ANGPT1: variants seen among roughly 807,000 people sequenced by gnomAD.
ANGPT1 encodes the protein angiopoietin 1, also known as angiopoietin-1.
In ANGPT1, 17 loss-of-function variants were observed where a neutral mutation model predicts 62.2. The ratio of observed to expected loss-of-function variants is 0.27; its 90% CI spans 0.19 to 0.41. ANGPT1 has a LOEUF of 0.41. Among genes scored for constraint, ANGPT1 ranks in the 10% least tolerant of loss-of-function variants. The probability of loss-of-function intolerance (pLI) is 1.00; values close to 1 mark genes in which losing one functional copy is unlikely to be tolerated. For synonymous variants in ANGPT1, 199 were observed against 198.9 expected (o/e 1.00, Z 0.00); for missense variants, 478 against 594.9 (o/e 0.80, Z 2.04).
At chr8:107,411,943 C>T (rs1672166) in intron 1 of ANGPT1, among the ~76,000 whole-genome samples, 126,274 of 152,164 alleles carry the variant, frequency 0.83, 52,520 homozygotes, top group African/African-American at 0.87. Flanking sequence ...CTTTCTCCTT[C>T]ATGTTAGATC....
intron 1 of ANGPT1, among the ~76,000 whole-genome samples, chr8:107,442,946 C>T (rs1252978675): frequency 6.6e-6 from 1 of 152,174 alleles, no homozygotes; most frequent in Admixed American, 6.5e-5. Flanking sequence ...CTCCTAATAG[C>T]AGAGACAAGA....
intron 1 of ANGPT1, among the ~76,000 whole-genome samples, chr8:107,450,698 G>A (rs1282320441): frequency 1.0e-5 from 1 of 96,650 alleles, no homozygotes; most frequent in East Asian, 3.1e-4. Context: ...ACATTCAAAT[G>A]GGAATAGGTG....
intron 2 of ANGPT1, among the ~76,000 whole-genome samples, chr8:107,337,559 G>A (rs1352721333): frequency 1.3e-5 from 2 of 152,132 alleles, no homozygotes; most frequent in Non-Finnish European, 2.9e-5. Flanking sequence ...TACTCCTTAA[G>A]GGAGGTATAA....
intron 1 of ANGPT1, among the ~76,000 whole-genome samples, chr8:107,409,976 TCCA>T (rs1817232231): frequency 6.7e-6 from 1 of 150,078 alleles, no homozygotes; most frequent in South Asian, 2.1e-4. Context: ...CATCCATCCA[TCCA>T]TCCATCCAAC....
intron 1 of ANGPT1, among the ~76,000 whole-genome samples, chr8:107,367,434 G>A (rs1816298403): frequency 6.6e-6 from 1 of 152,080 alleles, no homozygotes; most frequent in Non-Finnish European, 1.5e-5. Context: ...GATCAGGGTG[G>A]GGTGATGATT....
intron 1 of ANGPT1, among the ~76,000 whole-genome samples, chr8:107,449,913 C>T (rs142264354): frequency 1.3e-3 from 197 of 152,194 alleles, no homozygotes; most frequent in Middle Eastern, 6.8e-3. Flanking sequence ...GACTTGCCTT[C>T]TCTCAATTTG....
intron 1 of ANGPT1, among the ~76,000 whole-genome samples, chr8:107,451,919 T>A (rs1811788246): frequency 6.6e-6 from 1 of 151,982 alleles, no homozygotes; most frequent in Non-Finnish European, 1.5e-5. Context: ...ATTAATGTGT[T>A]TTTCACCATG....
intron 1 of ANGPT1, among the ~76,000 whole-genome samples, chr8:107,495,521 A>G (rs929185288): frequency 6.6e-6 from 1 of 152,220 alleles, no homozygotes; most frequent in Non-Finnish European, 1.5e-5. Flanking sequence ...ATGCATTACT[A>G]TGTTTGAATC....
chr8:107,448,430 G>A (rs1811674191), intron 1 of ANGPT1, among the ~76,000 whole-genome samples: 1 of 151,944 alleles, frequency 6.6e-6, no homozygotes, highest in Non-Finnish European at 1.5e-5. Flanking sequence ...TTTCTTCCTT[G>A]AAATACAGAA....
intron 1 of ANGPT1, among the ~76,000 whole-genome samples, chr8:107,453,372 G>C (rs1157786070): frequency 6.6e-6 from 1 of 152,050 alleles, no homozygotes; most frequent in East Asian, 1.9e-4. Flanking sequence ...AGGTTCAATG[G>C]ACTTACAGTT....
chr8:107,352,503 A>G (rs1465160017), intron 1 of ANGPT1, among the ~76,000 whole-genome samples: 1 of 152,148 alleles, frequency 6.6e-6, no homozygotes, highest in Non-Finnish European at 1.5e-5. Flanking sequence ...AGCTTTTACT[A>G]GACTCTCAAA....
At chr8:107,352,611 A>C (rs1303693326) in intron 1 of ANGPT1, among the ~76,000 whole-genome samples, 1 of 152,152 alleles carries the variant, frequency 6.6e-6, no homozygotes. Flanking sequence ...ACTTGAAGAA[A>C]CCACTTCAAG....
intron 3 of ANGPT1, among the ~76,000 whole-genome samples, chr8:107,328,955 C>A (rs1815354717): frequency 2.0e-5 from 3 of 151,866 alleles, no homozygotes; most frequent in South Asian, 4.2e-4. Context: ...TATAGTGCAT[C>A]TATAAAAATA....
chr8:107,342,993 G>A (rs1312543185), intron 2 of ANGPT1, among the ~76,000 whole-genome samples: 1 of 129,014 alleles, frequency 7.8e-6, no homozygotes, highest in Non-Finnish European at 1.6e-5. Context: ...GCATTACCAT[G>A]CCTGGCTTTT....
chr8:107,468,582 G>C (rs201570435), intron 1 of ANGPT1, among the ~76,000 whole-genome samples: 1 of 151,826 alleles, frequency 6.6e-6, no homozygotes, highest in Admixed American at 6.6e-5. Context: ...TTAACCACAA[G>C]GTTATAGAGT....
rs73702066 is a variant in ANGPT1 at position 107,416,473 on chromosome 8, C to T, written c.298-69376G>A. Reference sequence around the variant, plus strand: ...CTGGGGTGTTGGGATGCCCCACTGTCCAGGCACATATATAAGTTCTTGTTC... The same window carrying T: ...CTGGGGTGTTGGGATGCCCCACTGTTCAGGCACATATATAAGTTCTTGTTC... On this transcript the variant is annotated intron_variant, in intron 1 of 8. Transcript: ENST00000517746. 6.2e-3 allele frequency among the ~76,000 whole-genome samples: 946 copies of T among 152,296 alleles called. 10 individuals carry two copies. The highest frequency in any genetic ancestry group is 0.022 in the African/African-American group (897 of 41,558).
At chr8:107,460,005 T>G (rs1311242378) in intron 1 of ANGPT1, among the ~76,000 whole-genome samples, 1 of 152,198 alleles carries the variant, frequency 6.6e-6, no homozygotes, top group Non-Finnish European at 1.5e-5. Context: ...TTGACCTGCC[T>G]ATGAAAACAC....
intron 1 of ANGPT1, among the ~76,000 whole-genome samples, chr8:107,393,700 C>T (rs1376645883): frequency 6.6e-6 from 1 of 152,094 alleles, no homozygotes; most frequent in Non-Finnish European, 1.5e-5. Context: ...GTCCCAGCTA[C>T]TTGGGAGGCT....
At chr8:107,416,364 A>T (rs1348634544) in intron 1 of ANGPT1, among the ~76,000 whole-genome samples, 1 of 152,216 alleles carries the variant, frequency 6.6e-6, no homozygotes. Context: ...CATAAAGGAC[A>T]TTTTAAAGAA....
Sources: allele counts gnomAD v4.1 joint callset (sites outside exome capture counted in the v4.1 genomes callset), GRCh38; gene constraint gnomAD v4.1.1; transcripts MANE v1.5; gene names NCBI Gene and HGNC (gene_info 2026-07-23, HGNC 2026-07-21).